The following PSMA6 variants were observed in gnomAD, a reference collection of about 807,000 sequenced individuals.
PSMA6 encodes proteasome subunit alpha type-6.
For synonymous variants in PSMA6, 88 were observed against 97.7 expected, an observed-to-expected ratio of 0.90 and a Z score of 0.59; for missense variants, 170 against 294.8, an observed-to-expected ratio of 0.58 and a Z score of 3.10.
intron 4 of PSMA6, among the ~76,000 whole-genome samples, chr14:35,312,279 G>A (rs986176114): frequency 1.3e-5 from 2 of 151,842 alleles, no homozygotes; most frequent in Non-Finnish European, 2.9e-5. Context: ...GGACGAGGCA[G>A]GTGGATCACA....
intron 6 of PSMA6, chr14:35,316,568 A>G (rs2138764266): frequency 6.6e-6 from 1 of 151,964 alleles, no homozygotes; most frequent in East Asian, 2.0e-4. Flanking sequence ...GTTATACTAC[A>G]TATAAATGTA....
chr14:35,311,458 GCAGT>G (rs1351954544), intron 4 of PSMA6, among the ~76,000 whole-genome samples: 1 of 152,152 alleles, frequency 6.6e-6, no homozygotes, highest in African/African-American at 2.4e-5. Context: ...GAGCATTAAA[GCAGT>G]CAGTGTAATG....
At chr14:35,295,411 AGTG>A (rs2051564802) in intron 1 of PSMA6, among the ~76,000 whole-genome samples, 1 of 151,042 alleles carries the variant, frequency 6.6e-6, no homozygotes, top group Non-Finnish European at 1.5e-5. Context: ...TATTATTGGC[AGTG>A]TTTGCTCCCA....
At chr14:35,292,285 C>T (rs2051495883), upstream of PSMA6, 1 of 1,403,512 alleles carries the variant, frequency 7.1e-7, no homozygotes, top group African/African-American at 1.5e-5. Flanking sequence ...CACTCCACCA[C>T]CCCCTTAGGG....
At chr14:35,309,977 GA>G (rs1183716985) in intron 3 of PSMA6, among the ~76,000 whole-genome samples, 1 of 150,172 alleles carries the variant, frequency 6.7e-6, no homozygotes, top group Non-Finnish European at 1.5e-5. Flanking sequence ...ATTTGAAGAA[GA>G]AAAAAAAATT....
chr14:35,313,194 C>T (rs2051977890), intron 5 of PSMA6, 135 bp downstream of exon 5: 2 of 808,080 alleles, frequency 2.5e-6, no homozygotes, highest in Admixed American at 7.8e-5. Flanking sequence ...AAATTGATAT[C>T]ATACAGCTGA....
At chr14:35,304,889 C>T (rs2051795169) in intron 1 of PSMA6, among the ~76,000 whole-genome samples, 1 of 152,100 alleles carries the variant, frequency 6.6e-6, no homozygotes, top group East Asian at 1.9e-4. Context: ...TGAGACCAGC[C>T]TGAGCAATGT....
At chr14:35,307,103 G>A (rs570961911) in intron 1 of PSMA6, among the ~76,000 whole-genome samples, 15 of 152,130 alleles carry the variant, frequency 9.9e-5, no homozygotes, top group African/African-American at 2.2e-4. Flanking sequence ...AGCCAAGATC[G>A]TGCCACCTCA....
chr14:35,291,751 AG>A (rs2051484166), upstream of PSMA6, among the ~76,000 whole-genome samples: 1 of 131,306 alleles, frequency 7.6e-6, no homozygotes, highest in Non-Finnish European at 1.5e-5. Context: ...TGAACTCAGG[AG>A]GGGGAGGTTG....
intron 5 of PSMA6, 56 bp from the exon 6 acceptor site, chr14:35,314,305 A>G: frequency 1.4e-6 from 2 of 1,465,834 alleles, no homozygotes; most frequent in Non-Finnish European, 1.8e-6. Context: ...TAGGAATGAG[A>G]AAACCTTGGA....
upstream of PSMA6, chr14:35,292,376 T>G: frequency 1.2e-5 from 18 of 1,533,804 alleles, no homozygotes; most frequent in Non-Finnish European, 2.6e-6. Context: ...ACGCGGCTGG[T>G]ACCCCGGAAG....
chr14:35,286,817 C>T (rs758341502), intron 1 of PSMA6, among the ~76,000 whole-genome samples: 6 of 152,022 alleles, frequency 3.9e-5, no homozygotes, highest in Non-Finnish European at 1.5e-5. Context: ...TGTTGCTAAA[C>T]ACTGTATTGC....
intron 6 of PSMA6, chr14:35,317,032 G>A (rs2052056696): frequency 2.4e-6 from 1 of 420,734 alleles, no homozygotes. Flanking sequence ...AAACATTTTT[G>A]TGTATAGGTG....
intron 1 of PSMA6, among the ~76,000 whole-genome samples, chr14:35,295,979 G>A (rs1212290424): frequency 2.0e-5 from 3 of 152,126 alleles, no homozygotes; most frequent in African/African-American, 7.2e-5. Flanking sequence ...TGCTGGATAG[G>A]TCTGGCAAAG....
At chr14:35,308,753 A>G (rs899935050) in intron 2 of PSMA6, 161 bp from the exon 3 acceptor site, 105 of 551,350 alleles carry the variant, frequency 1.9e-4, no homozygotes, top group Middle Eastern at 1.4e-3. Context: ...GATTTTAACT[A>G]TAAAATGATC....
chr14:35,280,452 G>C (rs1279244973), intron 1 of PSMA6, among the ~76,000 whole-genome samples: 2 of 150,412 alleles, frequency 1.3e-5, no homozygotes, highest in Admixed American at 1.3e-4. Flanking sequence ...CGTCAATTTG[G>C]CTCACTGCAA....
At chr14:35,312,199 TAAAAAAAAAAA>T (rs35606504) in intron 4 of PSMA6, among the ~76,000 whole-genome samples, 5 of 97,424 alleles carry the variant, frequency 5.1e-5, no homozygotes, top group Non-Finnish European at 1.0e-4. Flanking sequence ...CCTCGTCTCC[TAAAAAAAAAAA>T]AAAAAAAAAA....
chr14:35,295,785 G>T (rs2051575611), intron 1 of PSMA6, among the ~76,000 whole-genome samples: 1 of 152,160 alleles, frequency 6.6e-6, no homozygotes, highest in African/African-American at 2.4e-5. Flanking sequence ...TATGCAGGTT[G>T]TATGTGTGTG....
At chr14:35,292,239 T>TG (rs1313701728), upstream of PSMA6, 1 of 1,235,084 alleles carries the variant, frequency 8.1e-7, no homozygotes, top group East Asian at 3.2e-5. Context: ...GAGGCCTGCT[T>TG]GGCGCAGGCG....
Sources: allele counts gnomAD v4.1 joint callset (sites outside exome capture counted in the v4.1 genomes callset), GRCh38; gene constraint gnomAD v4.1.1; transcripts MANE v1.5; gene names NCBI Gene and HGNC (gene_info 2026-07-23, HGNC 2026-07-21).